The following C8orf76 variants were observed in gnomAD, a reference collection of about 807,000 sequenced individuals.
C8orf76 encodes uncharacterized protein C8orf76.
In C8orf76, 46 loss-of-function variants were observed where a neutral mutation model predicts 38.1. That is an observed-to-expected ratio of 1.21 (90% CI 0.95 to 1.54). The LOEUF (loss-of-function observed/expected upper bound fraction) is 1.54, where lower values mean the gene tolerates loss of function less well. Among genes scored for constraint, C8orf76 ranks in the 40% most tolerant of loss-of-function variants. The probability of loss-of-function intolerance (pLI) is 0.00; values close to 1 mark genes in which losing one functional copy is unlikely to be tolerated. For missense variants in C8orf76, 461 were observed against 441.6 expected (o/e 1.04, Z -0.39); for synonymous variants, 166 against 167.5 (o/e 0.99, Z 0.07).
intron 4 of C8orf76, among the ~76,000 whole-genome samples, chr8:123,227,181 C>A (rs1261957352): frequency 1.3e-5 from 2 of 152,128 alleles, no homozygotes; most frequent in African/African-American, 4.8e-5. Context: ...CGATACCTTA[C>A]CACTGACTTC....
chr8:123,220,361 A>G, intron 5 of C8orf76, 64 bp from the exon 6 acceptor site: 1 of 1,249,592 alleles, frequency 8.0e-7, no homozygotes, highest in Non-Finnish European at 1.1e-6. Context: ...AATGCTAGTT[A>G]TCAACTGCGA....
rs1443215637 is a variant in C8orf76 at position 123,226,352 on chromosome 8, T to C, written c.948+148A>G. 3.4e-6 allele frequency: 5 copies of C among 1,479,118 alleles called. No individual in the cohort carries two copies. In the African/African-American group the frequency reaches 7.2e-5, roughly 21 times the overall value. The allele number at this position is 1,479,118 out of a possible 1,614,324, so 91.6% of individuals were successfully genotyped here. A position where few individuals can be genotyped will look rare whatever the true frequency, so the allele number is the denominator to read the frequency against. ...AATGCCGATCAAGAGGCCGCCTTGG[T>C]GATTGCTGAGTGATCAAAAGGCACA... On this transcript the variant is annotated intron_variant, in intron 5 of 5. Transcript: ENST00000276704.
Position 123,220,112 on chromosome 8 carries a change from G to C in C8orf76, c.1134C>G (p.Ile378Met), listed in dbSNP as rs962801015. The change falls in exon 6 of 6, where the codon ATC (isoleucine) becomes ATG (methionine). Residue 378 changes from isoleucine to methionine, a missense_variant. By Grantham distance (10) the Ile-to-Met change is conservative. Transcript: ENST00000276704. ...TGTTTTTTATAACCCACTAAGCCAA[G>C]ATTTGTATCTCTGTATGGAACTGAT... Reference protein sequence around the residue: ...FENQFHTEIQILA With the variant: ...FENQFHTEIQMLA 33 of 1,602,332 alleles carry C rather than the reference G, an allele frequency of 2.1e-5. No individual in the cohort carries two copies. Among genetic ancestry groups the C allele is most frequent in the Non-Finnish European group, 2.8e-5 (33 of 1,175,380 alleles).
intron 4 of C8orf76, among the ~76,000 whole-genome samples, chr8:123,228,949 C>T (rs1586803415): frequency 6.6e-6 from 1 of 152,222 alleles, no homozygotes; most frequent in African/African-American, 2.4e-5. Context: ...CAAGGTCAGA[C>T]CGCTTGCAAG....
At chr8:123,237,405 T>TG (rs995079228) in intron 3 of C8orf76, among the ~76,000 whole-genome samples, 111 of 151,498 alleles carry the variant, frequency 7.3e-4, no homozygotes, top group South Asian at 1.7e-3. Flanking sequence ...TTAGTCATTT[T>TG]GGGGGGGGGA....
chr8:123,225,338 AAGAGT>A (rs1473898548), intron 5 of C8orf76, among the ~76,000 whole-genome samples: 2 of 152,152 alleles, frequency 1.3e-5, no homozygotes, highest in African/African-American at 4.8e-5. Flanking sequence ...GAAGTGACAG[AAGAGT>A]AATCAATAAT....
intron 5 of C8orf76, among the ~76,000 whole-genome samples, chr8:123,225,953 A>C (rs1043920907): frequency 3.9e-5 from 6 of 152,036 alleles, no homozygotes; most frequent in Non-Finnish European, 8.8e-5. Flanking sequence ...ATGAAGGTTT[A>C]CATGTTAGTT....
chr8:123,232,720 A>T (rs1405538554), intron 3 of C8orf76, among the ~76,000 whole-genome samples: 1 of 152,240 alleles, frequency 6.6e-6, no homozygotes, highest in Non-Finnish European at 1.5e-5. Flanking sequence ...AAAGCCCCAT[A>T]CGACTGATTT....
chr8:123,236,255 C>G (rs950804026), intron 3 of C8orf76, among the ~76,000 whole-genome samples: 1 of 152,106 alleles, frequency 6.6e-6, no homozygotes, highest in South Asian at 2.1e-4. Flanking sequence ...GATCGCTGGG[C>G]GGTACATCCA....
rs1824862916 is a variant in C8orf76, at chr8:123,220,187, A to G, written c.1059T>C (p.Phe353=). 1 of 1,614,020 alleles carries G rather than the reference A, an allele frequency of 6.2e-7. No homozygotes were observed. ...TALVTVSSEE[F]EDKWFRKIKD... is the part of the protein sequence containing the mutation. Reference sequence around the variant, plus strand: ...TGATCTTTCTGAACCACTTGTCTTCAAATTCTTCTGAGGATACAGTCACCA... The same window carrying G: ...TGATCTTTCTGAACCACTTGTCTTCGAATTCTTCTGAGGATACAGTCACCA... Residue 353 remains phenylalanine (F), a synonymous_variant, in exon 6 of 6, where the codon TTT becomes TTC. Transcript: ENST00000276704.
chr8:123,229,894 G>A (rs1825184728), intron 4 of C8orf76, among the ~76,000 whole-genome samples: 2 of 152,120 alleles, frequency 1.3e-5, no homozygotes, highest in South Asian at 4.1e-4. Flanking sequence ...GTGCACAGCT[G>A]TAATCCCAGC....
intron 5 of C8orf76, among the ~76,000 whole-genome samples, chr8:123,220,771 A>G (rs1157173778): frequency 6.6e-6 from 1 of 152,220 alleles, no homozygotes; most frequent in African/African-American, 2.4e-5. Context: ...CCCGTTACCA[A>G]TGAAGGTACA....
At chr8:123,227,902 C>A (rs1055611368) in intron 4 of C8orf76, among the ~76,000 whole-genome samples, 5 of 152,160 alleles carry the variant, frequency 3.3e-5, no homozygotes, top group African/African-American at 1.2e-4. Context: ...GTTGACATCA[C>A]CTACCCGGCC....
Position 123,220,308 on chromosome 8 carries a change from A to AG in C8orf76, c.949-12dup, listed in dbSNP as rs753233024. On this transcript the variant is annotated splice_polypyrimidine_tract_variant and intron_variant, in intron 5 of 5. Transcript: ENST00000276704. ...ATCTTCTCCCATAACCTATAACAGGAGGAAAAAAAAAAACTGTCCCAATAA... is the reference window on the plus strand; with the variant it reads ...ATCTTCTCCCATAACCTATAACAGGAGGGAAAAAAAAAAACTGTCCCAATAA... 5 of 1,512,412 alleles carry AG rather than the reference A, an allele frequency of 3.3e-6. No homozygotes were observed. In the African/African-American group the frequency reaches 7.1e-5, roughly 21 times the overall value. The allele number at this position is 1,512,412 out of a possible 1,614,324, so 93.7% of individuals were successfully genotyped here.
intron 3 of C8orf76, among the ~76,000 whole-genome samples, chr8:123,235,249 A>G (rs955972504): frequency 1.1e-4 from 16 of 152,224 alleles, no homozygotes; most frequent in African/African-American, 3.1e-4. Context: ...TTATCCAAAA[A>G]TCATGAAAAG....
rs764625938 is a variant in C8orf76, at chr8:123,241,335, C to A, written c.12G>T (p.Gly4=). The change falls in exon 1 of 6, where the codon GGG becomes GGT. Residue 4 remains glycine, a synonymous_variant. Coordinates refer to ENST00000276704, the MANE Select transcript of C8orf76 (RefSeq NM_032847.3). ...CGAACTCGCCGCCGAACAACCAGCA[C>A]CCGGAATCCATCTCGCGCCCGCGGC... MDS[G]CWLFGGEFED... 3.2e-6 allele frequency: 5 copies of A among 1,563,190 alleles called. No homozygotes were observed. Among genetic ancestry groups the A allele is most frequent in the Middle Eastern group, 1.7e-4 (1 of 5,952 alleles).
chr8:123,233,897 G>T (rs1266120756), intron 3 of C8orf76, among the ~76,000 whole-genome samples: 1 of 151,714 alleles, frequency 6.6e-6, no homozygotes, highest in Non-Finnish European at 1.5e-5. Flanking sequence ...GTGTGGTGGC[G>T]GGCACCTGTA....
At chr8:123,231,204 A>C in intron 4 of C8orf76, 96 bp downstream of exon 4, 2 of 1,424,004 alleles carry the variant, frequency 1.4e-6, no homozygotes, top group South Asian at 1.5e-5. Context: ...TATATACCAA[A>C]TGTCTAGCCT....
chr8:123,222,167 T>G (rs1362290591), intron 5 of C8orf76, among the ~76,000 whole-genome samples: 2 of 152,028 alleles, frequency 1.3e-5, no homozygotes, highest in Admixed American at 6.6e-5. Context: ...TTTTGTATTT[T>G]TAGTAGAGAC....
Sources: gnomAD v4.1 joint callset for allele counts (sites outside exome capture counted in the v4.1 genomes callset) on GRCh38, gnomAD v4.1.1 for gene constraint, MANE v1.5 for transcripts, NCBI Gene and HGNC (gene_info 2026-07-23, HGNC 2026-07-21) for gene names.